Variants in GPR176 observed in about 807,000 individuals in gnomAD.
The protein encoded by GPR176 is G protein-coupled receptor 176.
GPR176 carries 26 observed loss-of-function variants against 35.4 expected under a neutral mutation model. The observed-to-expected ratio is 0.74, with a 90% CI of 0.54 to 1.02. The LOEUF (loss-of-function observed/expected upper bound fraction) is 1.02, where lower values mean the gene tolerates loss of function less well. GPR176 is among the 50% of genes least tolerant of loss of function. GPR176 has a pLI of 0.00. For missense variants in GPR176, 597 were observed against 665.3 expected (o/e 0.90, Z 1.13); for synonymous variants, 278 against 271.3 (o/e 1.02, Z -0.24).
intron 1 of GPR176, among the ~76,000 whole-genome samples, chr15:39,880,271 G>A (rs990441012): frequency 2.0e-5 from 3 of 152,108 alleles, no homozygotes; most frequent in Admixed American, 1.3e-4. Flanking sequence ...GTCTCTCCCT[G>A]CTGGGTCTGA....
At chr15:39,909,766 G>A (rs2033528609) in intron 1 of GPR176, 1 of 201,858 alleles carries the variant, frequency 5.0e-6, no homozygotes, top group Admixed American at 6.5e-5. Flanking sequence ...TATCTGAAGG[G>A]ATGATACAAT....
At position 39,920,009 on chromosome 15, in the gene GPR176, G is replaced by T; in HGVS notation, c.18C>A (p.Ser6Arg). MGHNGSWISPNASEPH... is the reference protein window; with the variant it reads MGHNGRWISPNASEPH... ...GCTCGCTGGCATTTGGAGAGATCCAGCTCCCGTTATGTCCCATGGCGAGGC... is the reference window on the plus strand; with the variant it reads ...GCTCGCTGGCATTTGGAGAGATCCATCTCCCGTTATGTCCCATGGCGAGGC... The change falls in exon 1 of 3, where the codon AGC (serine) becomes AGA (arginine). Residue 6 changes from serine (S) to arginine (R), a missense_variant. Physicochemically the swap from Ser to Arg is moderately radical, Grantham distance 110. This residue lies in a region of GPR176 where 126 missense variants were observed against 112.4 expected (regional missense o/e 1.12). Transcript: ENST00000561100. The T allele has an allele frequency of 7.1e-7, 1 of 1,407,238 alleles. No individual in the cohort carries two copies. 87.2% of individuals were successfully genotyped at this position (1,407,238 alleles called of 1,614,324 possible). A position where few individuals can be genotyped will look rare whatever the true frequency, so the allele number is the denominator to read the frequency against.
At chr15:39,883,313 A>G (rs1457908268) in intron 1 of GPR176, among the ~76,000 whole-genome samples, 1 of 152,248 alleles carries the variant, frequency 6.6e-6, no homozygotes, top group Non-Finnish European at 1.5e-5. Context: ...TAGATATTTT[A>G]CTTCAGAATT....
intron 1 of GPR176, among the ~76,000 whole-genome samples, chr15:39,818,027 T>C (rs1414764179): frequency 1.3e-5 from 2 of 152,208 alleles, no homozygotes; most frequent in Non-Finnish European, 2.9e-5. Flanking sequence ...AGTTTTTTGA[T>C]TTGAGGATTT....
At chr15:39,861,897 A>G (rs1176993520) in intron 1 of GPR176, among the ~76,000 whole-genome samples, 1 of 152,180 alleles carries the variant, frequency 6.6e-6, no homozygotes, top group Non-Finnish European at 1.5e-5. Flanking sequence ...TATCAGCCCA[A>G]ATGAATCCTG....
chr15:39,877,754 G>T (rs549427409), intron 1 of GPR176, among the ~76,000 whole-genome samples: 7 of 151,908 alleles, frequency 4.6e-5, no homozygotes, highest in Admixed American at 2.6e-4. Context: ...CAGAGATGGG[G>T]TTTCACAATA....
At chr15:39,880,569 A>G (rs1023267892) in intron 1 of GPR176, among the ~76,000 whole-genome samples, 1 of 152,120 alleles carries the variant, frequency 6.6e-6, no homozygotes, top group Admixed American at 6.5e-5. Flanking sequence ...CTCAAAGTCA[A>G]TTTGTACCAA....
At chr15:39,912,064 CAGA>C (rs2033592377) in intron 1 of GPR176, among the ~76,000 whole-genome samples, 1 of 152,112 alleles carries the variant, frequency 6.6e-6, no homozygotes, top group Non-Finnish European at 1.5e-5. Flanking sequence ...GTCAGCAACT[CAGA>C]AGAAGGTCAT....
chr15:39,913,685 T>C (rs1233223866), intron 1 of GPR176, among the ~76,000 whole-genome samples: 2 of 152,202 alleles, frequency 1.3e-5, no homozygotes, highest in Non-Finnish European at 2.9e-5. Context: ...GGTTTCTTTA[T>C]GGGATGATAA....
At chr15:39,851,085 C>A (rs1243794308) in intron 1 of GPR176, among the ~76,000 whole-genome samples, 3 of 152,186 alleles carry the variant, frequency 2.0e-5, no homozygotes, top group Non-Finnish European at 4.4e-5. Flanking sequence ...ACTTGAACAA[C>A]TGTCAGACAG....
At chr15:39,872,909 A>ATC (rs1566958255) in intron 1 of GPR176, among the ~76,000 whole-genome samples, 2 of 136,254 alleles carry the variant, frequency 1.5e-5, no homozygotes, top group Non-Finnish European at 3.1e-5. Flanking sequence ...TATCCAAAAT[A>ATC]TCTGTGTGTG....
At chr15:39,813,508 C>T (rs1482689942) in intron 1 of GPR176, 1 of 152,244 alleles carries the variant, frequency 6.6e-6, no homozygotes, top group Admixed American at 6.5e-5. Flanking sequence ...TACACAATTT[C>T]TGATAGTAAG....
At chr15:39,888,291 G>A (rs943095787) in intron 1 of GPR176, among the ~76,000 whole-genome samples, 1 of 149,666 alleles carries the variant, frequency 6.7e-6, no homozygotes, top group Non-Finnish European at 1.5e-5. Flanking sequence ...TGTTTTTTTT[G>A]TTTGTTTGTT....
Position 39,806,953 on chromosome 15 carries a change from A to AT in GPR176, c.425+52dup, listed in dbSNP as rs573721960. ...ACTCATCATTTGCTTCATGATGCTAATTTTTTAATACAACTTAAAAAAAAA... is the reference window on the plus strand; with the variant it reads ...ACTCATCATTTGCTTCATGATGCTAATTTTTTTAATACAACTTAAAAAAAAA... On this transcript the variant is annotated intron_variant, in intron 2 of 2. Transcript: ENST00000561100. 2.0e-6 allele frequency: 3 copies of AT among 1,520,180 alleles called. No homozygotes were observed. The South Asian group carries it at 3.9e-5, about 20-fold the overall frequency. 94.2% of individuals were successfully genotyped at this position (1,520,180 alleles called of 1,614,324 possible). A position where few individuals can be genotyped will look rare whatever the true frequency, so the allele number is the denominator to read the frequency against.
chr15:39,907,785 A>G (rs986891700), intron 1 of GPR176, among the ~76,000 whole-genome samples: 2 of 152,140 alleles, frequency 1.3e-5, no homozygotes, highest in African/African-American at 4.8e-5. Flanking sequence ...ATGTTAATTA[A>G]CTATCAGAAA....
intron 1 of GPR176, among the ~76,000 whole-genome samples, chr15:39,812,763 A>G (rs1899658472): frequency 6.9e-6 from 1 of 145,028 alleles, no homozygotes; most frequent in Non-Finnish European, 1.5e-5. Flanking sequence ...TTTTTTTGAG[A>G]CAGGGTCTTG....
chr15:39,889,613 C>T (rs796493489), intron 1 of GPR176, among the ~76,000 whole-genome samples: 15 of 130,908 alleles, frequency 1.1e-4, no homozygotes, highest in African/African-American at 3.8e-4. Context: ...TAAAATAAAA[C>T]AAAACAAAAC....
At chr15:39,905,095 T>C (rs1261580811) in intron 1 of GPR176, among the ~76,000 whole-genome samples, 8 of 152,260 alleles carry the variant, frequency 5.3e-5, no homozygotes, top group Non-Finnish European at 1.0e-4. Flanking sequence ...AAGCTCAGAA[T>C]GGAGGAGGAA....
intron 1 of GPR176, among the ~76,000 whole-genome samples, chr15:39,885,161 T>C (rs1021157635): frequency 2.4e-4 from 37 of 152,168 alleles, no homozygotes; most frequent in African/African-American, 8.2e-4. Context: ...TCACACACTC[T>C]ATTATAAAAA....
Sources: allele counts gnomAD v4.1 joint callset (sites outside exome capture counted in the v4.1 genomes callset), GRCh38; gene constraint gnomAD v4.1.1; regional missense constraint gnomAD v4.1.1; transcripts MANE v1.5; gene names NCBI Gene and HGNC (gene_info 2026-07-23, HGNC 2026-07-21).